The following TEX9 variants were observed in gnomAD, a reference collection of about 807,000 sequenced individuals.
TEX9 encodes the protein testis expressed 9, also known as testis-expressed protein 9.
A neutral mutation model predicts 59.6 loss-of-function variants in TEX9; 74 were observed. The observed-to-expected ratio is 1.24, with a 90% CI of 1.03 to 1.51. The LOEUF (loss-of-function observed/expected upper bound fraction) is 1.51, where lower values mean the gene tolerates loss of function less well. Ranked by LOEUF, TEX9 falls within the 40% of genes most tolerant of loss-of-function variation. The pLI is 0.00. For missense variants in TEX9, 522 were observed against 447.8 expected (o/e 1.17, Z -1.49); for synonymous variants, 186 against 152.2 (o/e 1.22, Z -1.64).
chr15:56,399,441 A>G (rs1012796183), intron 9 of TEX9, among the ~76,000 whole-genome samples: 2 of 152,242 alleles, frequency 1.3e-5, no homozygotes, highest in Admixed American at 6.5e-5. Flanking sequence ...TTGAGCAGGT[A>G]AACAAAGCGG....
At chr15:56,428,051 C>G (rs1308785964) in intron 11 of TEX9, among the ~76,000 whole-genome samples, 1 of 152,048 alleles carries the variant, frequency 6.6e-6, no homozygotes, top group Non-Finnish European at 1.5e-5. Context: ...CCTCTTCAAA[C>G]CTTAGAGCGA....
chr15:56,392,946 T>C (rs1335276752), intron 7 of TEX9, among the ~76,000 whole-genome samples: 2 of 152,108 alleles, frequency 1.3e-5, no homozygotes, highest in Admixed American at 6.6e-5. Flanking sequence ...TTTTAGATGA[T>C]TGCTTGGAAT....
intron 1 of TEX9, among the ~76,000 whole-genome samples, chr15:56,256,880 C>T (rs1462692148): frequency 6.6e-6 from 1 of 151,996 alleles, no homozygotes; most frequent in Non-Finnish European, 1.5e-5. Context: ...TATTTCATCA[C>T]CAAGGTATGA....
chr15:56,394,797 A>C (rs1270413655), exon 9 of TEX9: 1 of 1,612,980 alleles, frequency 6.2e-7, no homozygotes, highest in Non-Finnish European at 8.5e-7. Context: ...AACAAAAAGT[A>C]TGATGGATTA....
chr15:56,352,138 C>T (rs1231203880), intron 1 of TEX9, among the ~76,000 whole-genome samples: 2 of 152,184 alleles, frequency 1.3e-5, no homozygotes, highest in African/African-American at 2.4e-5. Context: ...GAATGAACTT[C>T]ATTTCCAGGA....
At chr15:56,268,654 C>T (rs1445546929) in intron 1 of TEX9, among the ~76,000 whole-genome samples, 1 of 150,920 alleles carries the variant, frequency 6.6e-6, no homozygotes, top group Admixed American at 6.6e-5. Context: ...TTGAACCAGC[C>T]TTGCATCCCA....
chr15:56,302,725 G>A (rs1462602401), intron 1 of TEX9, among the ~76,000 whole-genome samples: 1 of 152,140 alleles, frequency 6.6e-6, no homozygotes, highest in Non-Finnish European at 1.5e-5. Context: ...AACAGTTAAT[G>A]TAGATAGACT....
At chr15:56,382,775 C>G (rs2047788879) in intron 3 of TEX9, among the ~76,000 whole-genome samples, 1 of 152,132 alleles carries the variant, frequency 6.6e-6, no homozygotes, top group Admixed American at 6.5e-5. Context: ...TTTTTGTTCT[C>G]CTCTCCTTAA....
chr15:56,322,736 A>AAGTTTTG (rs1436496993), intron 1 of TEX9, among the ~76,000 whole-genome samples: 1 of 152,158 alleles, frequency 6.6e-6, no homozygotes, highest in Admixed American at 6.6e-5. Context: ...TCCAGAGTCA[A>AAGTTTTG]AGTTTTGCCA....
downstream of TEX9, among the ~76,000 whole-genome samples, chr15:56,448,987 T>C (rs2050928398): frequency 6.6e-6 from 1 of 152,142 alleles, no homozygotes; most frequent in Admixed American, 6.5e-5. Context: ...ACTCCTGACC[T>C]CAGGTGATCC....
chr15:56,349,303 A>G (rs1339885501), intron 1 of TEX9, among the ~76,000 whole-genome samples: 1 of 152,162 alleles, frequency 6.6e-6, no homozygotes, highest in Non-Finnish European at 1.5e-5. Flanking sequence ...CAACCTGCAA[A>G]ATTTATCTCT....
intron 4 of TEX9, among the ~76,000 whole-genome samples, chr15:56,387,618 G>T (rs2048020243): frequency 6.6e-6 from 1 of 151,888 alleles, no homozygotes; most frequent in South Asian, 2.1e-4. Flanking sequence ...GGATATAGTG[G>T]AGTTTTTTCA....
chr15:56,443,948 T>C (rs903226202), intron 12 of TEX9: 5 of 988,644 alleles, frequency 5.1e-6, no homozygotes, highest in African/African-American at 1.6e-5. Context: ...AAAAACACTA[T>C]AGTTTTTTCA....
At chr15:56,388,070 G>A (rs748673261) in intron 4 of TEX9, among the ~76,000 whole-genome samples, 1 of 151,912 alleles carries the variant, frequency 6.6e-6, no homozygotes, top group Non-Finnish European at 1.5e-5. Context: ...AATATAATGA[G>A]GAAAACAGGC....
At chr15:56,437,456 G>C (rs1259716720) in intron 12 of TEX9, among the ~76,000 whole-genome samples, 1 of 152,038 alleles carries the variant, frequency 6.6e-6, no homozygotes, top group African/African-American at 2.4e-5. Context: ...GGTGTTGATG[G>C]GACATATCTC....
At chr15:56,318,060 T>G (rs2045819443) in intron 1 of TEX9, among the ~76,000 whole-genome samples, 1 of 152,174 alleles carries the variant, frequency 6.6e-6, no homozygotes, top group South Asian at 2.1e-4. Context: ...GTTCTATCCA[T>G]TATTGAAACT....
intron 1 of TEX9, among the ~76,000 whole-genome samples, chr15:56,287,312 C>T (rs1230150031): frequency 6.6e-6 from 1 of 152,066 alleles, no homozygotes; most frequent in Non-Finnish European, 1.5e-5. Flanking sequence ...AACATCTTAG[C>T]CTGACCTGGT....
exon 8 of TEX9, chr15:56,394,204 T>C: frequency 6.2e-7 from 1 of 1,609,392 alleles, no homozygotes; most frequent in Admixed American, 1.7e-5. Flanking sequence ...CTCCATGTTA[T>C]GCAGGAGGAA....
chr15:56,401,630 A>C (rs117421531), intron 9 of TEX9, among the ~76,000 whole-genome samples: 52,143 of 152,012 alleles, frequency 0.34, 10,441 homozygotes, highest in Non-Finnish European at 0.45. Context: ...AGCTCTGCAC[A>C]AAGCAGACCT....
Sources: gnomAD v4.1 joint callset for allele counts (sites outside exome capture counted in the v4.1 genomes callset) on GRCh38, gnomAD v4.1.1 for gene constraint, MANE v1.5 for transcripts, NCBI Gene and HGNC (gene_info 2026-07-23, HGNC 2026-07-21) for gene names.